The following IL22RA1 variants were observed in gnomAD, a reference collection of about 807,000 sequenced individuals.
IL22RA1 encodes interleukin 22 receptor subunit alpha 1.
Under a neutral mutation model 32.8 loss-of-function variants are expected in IL22RA1, and 25 were observed. The observed-to-expected ratio is 0.76, with a 90% CI of 0.55 to 1.06. The LOEUF (loss-of-function observed/expected upper bound fraction) is 1.06. Ranked by LOEUF, IL22RA1 falls within the 50% of genes least tolerant of loss-of-function variation. IL22RA1 has a pLI of 0.00. For missense variants in IL22RA1, 709 were observed against 727.4 expected, an observed-to-expected ratio of 0.97 and a Z score of 0.29; for synonymous variants, 305 against 305.0, an observed-to-expected ratio of 1.00 and a Z score of 0.00.
chr1:24,142,575 C>A (rs1412256835), intron 1 of IL22RA1, among the ~76,000 whole-genome samples: 1 of 152,222 alleles, frequency 6.6e-6, no homozygotes, highest in Non-Finnish European at 1.5e-5. Context: ...AGAGGCCCTG[C>A]AGGGGCATGG....
chr1:24,135,720 A>C (rs1484470995), intron 3 of IL22RA1, among the ~76,000 whole-genome samples: 1 of 152,238 alleles, frequency 6.6e-6, no homozygotes, highest in Non-Finnish European at 1.5e-5. Flanking sequence ...GGCAGGAAGG[A>C]AAATGAGAAC....
At chr1:24,138,215 A>T (rs2502450) in intron 2 of IL22RA1, among the ~76,000 whole-genome samples, 74,594 of 152,020 alleles carry the variant, frequency 0.49, 18,697 homozygotes, top group East Asian at 0.75. Context: ...TAGCTTATAA[A>T]TTTCCAGGCA....
intron 4 of IL22RA1, among the ~76,000 whole-genome samples, chr1:24,129,206 A>T (rs903281089): frequency 6.6e-6 from 1 of 152,056 alleles, no homozygotes; most frequent in Non-Finnish European, 1.5e-5. Flanking sequence ...TAGCCCCTCA[A>T]TGTTGTTCTG....
chr1:24,122,322 G>A (rs1489911978), intron 6 of IL22RA1, among the ~76,000 whole-genome samples: 1 of 151,174 alleles, frequency 6.6e-6, no homozygotes, highest in Non-Finnish European at 1.5e-5. Flanking sequence ...TCAGGTGGGG[G>A]CTGCTGATGT....
At chr1:24,133,454 T>C (rs1318740856) in intron 4 of IL22RA1, among the ~76,000 whole-genome samples, 1 of 152,188 alleles carries the variant, frequency 6.6e-6, no homozygotes, top group African/African-American at 2.4e-5. Flanking sequence ...TTCATTTAAC[T>C]GAATTGTGGA....
rs111881115 is a variant in IL22RA1, at chr1:24,122,797, CA to C, written c.792+504del. On this transcript the variant is annotated intron_variant, in intron 6 of 6. Transcript: ENST00000270800. ...TGGGTGACAGAGGGAGACTCCATCT[CA>C]AAAAAAAAAAAATCTGTTTAAAAAA... Among the ~76,000 whole-genome samples the C allele has an allele frequency of 4.9e-3, 668 of 136,114 alleles. 2 individuals carry two copies. The highest frequency in any genetic ancestry group is 5.1e-3 in the Non-Finnish European group (316 of 62,528). 89.3% of individuals were successfully genotyped at this position (136,114 alleles called of 152,430 possible). A position where few individuals can be genotyped will look rare whatever the true frequency, so the allele number is the denominator to read the frequency against.
chr1:24,126,304 C>G (rs1402040579), intron 5 of IL22RA1, among the ~76,000 whole-genome samples: 1 of 152,248 alleles, frequency 6.6e-6, no homozygotes, highest in African/African-American at 2.4e-5. Flanking sequence ...AATTGGTGCA[C>G]TGGGATTCAG....
chr1:24,128,523 T>TTA (rs1305412730), intron 4 of IL22RA1, among the ~76,000 whole-genome samples: 2 of 87,012 alleles, frequency 2.3e-5, no homozygotes, highest in East Asian at 6.6e-4. Context: ...TATAATGTGG[T>TTA]TATATACATA....
intron 6 of IL22RA1, among the ~76,000 whole-genome samples, chr1:24,122,254 T>C (rs542834138): frequency 9.9e-5 from 15 of 152,262 alleles, no homozygotes; most frequent in African/African-American, 3.6e-4. Flanking sequence ...GTGCCTCAGG[T>C]GGCTCAGCTC....
Position 24,121,060 on chromosome 1 carries a change from C to T in IL22RA1, c.1470G>A (p.Gln490=). The part of the protein sequence containing the change: ...VLHSGEEGTP[Q]YLKGQLPLLS... ...GGAGGGGGAGCTGGCCCTTTAGGTA[C>T]TGTGGTGTCCCTTCCTCCCCACTGT... Residue 490 remains glutamine (Q), a synonymous_variant, in exon 7 of 7, where the codon CAG becomes CAA. Coordinates refer to ENST00000270800, the MANE Select transcript of IL22RA1 (RefSeq NM_021258.4). 1 of 1,614,176 alleles carries T rather than the reference C, an allele frequency of 6.2e-7. No homozygotes were observed. Among genetic ancestry groups the T allele is most frequent in the Non-Finnish European group, 8.5e-7 (1 of 1,180,014 alleles).
rs1020624816 is a variant in IL22RA1, at chr1:24,121,281, C to T, written c.1249G>A (p.Gly417Arg). The T allele has an allele frequency of 6.2e-6, 10 of 1,613,850 alleles. No homozygotes were observed. The highest frequency in any genetic ancestry group is 8.5e-6 in the Non-Finnish European group (10 of 1,179,952). The part of the protein sequence containing the change: ...MEGSGKDSPT[G>R]TLSSPKHLRP... Reference sequence around the variant, plus strand: ...AGGTGTTTAGGACTAGAAAGTGTCCCAGTGGGGGAGTCTTTGCCAGAACCT... The same window carrying T: ...AGGTGTTTAGGACTAGAAAGTGTCCTAGTGGGGGAGTCTTTGCCAGAACCT... Residue 417 changes from glycine to arginine, a missense_variant, in exon 7 of 7, where the codon GGG (glycine) becomes AGG (arginine). Transcript: ENST00000270800.
intron 5 of IL22RA1, among the ~76,000 whole-genome samples, chr1:24,124,442 A>G (rs887941335): frequency 6.6e-6 from 1 of 152,196 alleles, no homozygotes; most frequent in Non-Finnish European, 1.5e-5. Context: ...GGGTGCAGCC[A>G]GTTCCAGGCA....
chr1:24,123,203 G>T, intron 6 of IL22RA1, 99 bp downstream of exon 6: 10 of 1,485,342 alleles, frequency 6.7e-6, no homozygotes, highest in Non-Finnish European at 9.0e-6. Context: ...CCCATCTCCT[G>T]CTTTGTCTGT....
chr1:24,141,966 G>A (rs892342767), intron 1 of IL22RA1, among the ~76,000 whole-genome samples: 2 of 151,998 alleles, frequency 1.3e-5, no homozygotes, highest in East Asian at 1.9e-4. Flanking sequence ...TGTGTGCAGC[G>A]CGAGGCAGCT....
chr1:24,135,699 C>T (rs1162268151), intron 3 of IL22RA1, among the ~76,000 whole-genome samples: 1 of 152,180 alleles, frequency 6.6e-6, no homozygotes, highest in Non-Finnish European at 1.5e-5. Flanking sequence ...ACATGTTCTT[C>T]CTCACATGGT....
In IL22RA1 at chr1:24,121,147, TG is replaced by T; in HGVS notation, c.1382del (p.Ala461GlufsTer32). ...TSLAMEESQEAKSLHQPLGIC... is the reference protein window; with the variant it reads ...TSLAMEESQEXKSLHQPLGIC... ...TCCCCAGGGGCTGGTGCAATGATTT[TG>T]CTTCTTGGGATTCCTCCATAGCCAA... On this transcript the variant is annotated frameshift_variant, in exon 7 of 7. Coordinates refer to ENST00000270800, the MANE Select transcript of IL22RA1 (RefSeq NM_021258.4). LOFTEE classifies it low-confidence loss of function (END_TRUNC). 6.2e-7 allele frequency: 1 copy of T among 1,614,242 alleles called. No individual in the cohort carries two copies. Among genetic ancestry groups the T allele is most frequent in the Non-Finnish European group, 8.5e-7 (1 of 1,180,042 alleles).
chr1:24,136,990 C>G, intron 3 of IL22RA1, 141 bp downstream of exon 3: 3 of 760,856 alleles, frequency 3.9e-6, no homozygotes, highest in Non-Finnish European at 6.1e-6. Flanking sequence ...CCCTAAAAGC[C>G]ACATCCCCAG....
At position 24,134,919 on chromosome 1, in the gene IL22RA1, A is replaced by C. The variant is rs1006643892; in HGVS notation, c.356-533T>G. 20 of 756,364 alleles carry C rather than the reference A, an allele frequency of 2.6e-5. No individual in the cohort carries two copies. The African/African-American group carries it at 3.6e-4, about 14-fold the overall frequency. 46.9% of individuals were successfully genotyped at this position (756,364 alleles called of 1,614,324 possible). ...ACAGACTCCTTTGAGAATGTGATGA[A>C]TGCTGTGGGTCTTCTTCCTGCCAAA... On this transcript the variant is annotated intron_variant, in intron 3 of 6. Coordinates refer to ENST00000270800, the MANE Select transcript of IL22RA1 (RefSeq NM_021258.4).
At chr1:24,127,607 C>T (rs531406718) in intron 5 of IL22RA1, among the ~76,000 whole-genome samples, 46 of 152,260 alleles carry the variant, frequency 3.0e-4, no homozygotes, top group Admixed American at 2.0e-3. Flanking sequence ...GCCACTGTGC[C>T]CGGCCATGGG....
Sources: allele counts gnomAD v4.1 joint callset (sites outside exome capture counted in the v4.1 genomes callset), GRCh38; gene constraint gnomAD v4.1.1; transcripts MANE v1.5; gene names NCBI Gene and HGNC (gene_info 2026-07-23, HGNC 2026-07-21).